The following RFX2 variants were observed in gnomAD, a reference collection of about 807,000 sequenced individuals.
RFX2 encodes the protein DNA-binding protein RFX2.
Under a neutral mutation model 87.8 loss-of-function variants are expected in RFX2, and 20 were observed. The ratio of observed to expected loss-of-function variants is 0.23; its 90% confidence interval spans 0.16 to 0.33. The LOEUF (loss-of-function observed/expected upper bound fraction) is 0.33. RFX2 is among the 10% of genes least tolerant of loss of function. The pLI is 1.00. For synonymous variants in RFX2, 397 were observed against 431.3 expected, an observed-to-expected ratio of 0.92 and a Z score of 0.98; for missense variants, 767 against 1,012.3, an observed-to-expected ratio of 0.76 and a Z score of 3.29.
At chr19:6,054,124 C>A (rs2087300282) in intron 1 of RFX2, among the ~76,000 whole-genome samples, 1 of 151,970 alleles carries the variant, frequency 6.6e-6, no homozygotes, top group South Asian at 2.1e-4. Flanking sequence ...CTATTACAAA[C>A]AACTTTAGCC....
chr19:5,999,245 ACT>A lies in RFX2; in HGVS notation c.1860-2034_1860-2033del, dbSNP rs1195972834. On this transcript the variant is annotated intron_variant, in intron 15 of 17. Transcript: ENST00000303657. This position sits in a 1 kb window ranked among gnomAD's most constrained non-coding sequence, Gnocchi z 4.1. ...CACTCCAGCCTGGTGACAGAGCGAG[ACT>A]CTGTCTCAAAAAACAAGCAAACAAG... Among the ~76,000 whole-genome samples, 3 of 152,034 alleles carry A rather than the reference ACT, an allele frequency of 2.0e-5. No homozygotes were observed. The highest frequency in any genetic ancestry group is 7.2e-5 in the African/African-American group (3 of 41,392).
At chr19:6,038,592 G>A (rs1305062044) in intron 5 of RFX2, among the ~76,000 whole-genome samples, 1 of 152,052 alleles carries the variant, frequency 6.6e-6, no homozygotes, top group Non-Finnish European at 1.5e-5. Flanking sequence ...ATATCTGACA[G>A]GAGACTTGTA....
rs2087818880 is a variant in RFX2, at chr19:6,083,823, CT to C, written c.-9+26569del. On this transcript the variant is annotated intron_variant, in intron 1 of 17. Transcript: ENST00000303657. The surrounding 1 kb of genome is among the most constrained non-coding windows in gnomAD (Gnocchi z 4.6). ...TTGGATGGCCTTTGGGGGAACATGT[CT>C]TACTCATAATTATAGGCAGCGGAAA... is the stretch of plus-strand genomic sequence containing the variant. Among the ~76,000 whole-genome samples the C allele has an allele frequency of 6.6e-6, 1 of 152,118 alleles. No individual in the cohort carries two copies. Among genetic ancestry groups the C allele is most frequent in the Admixed American group, 6.6e-5 (1 of 15,264 alleles).
intron 12 of RFX2, 77 bp downstream of exon 12, chr19:6,006,935 G>A (rs1344373888): frequency 5.9e-6 from 9 of 1,518,232 alleles, no homozygotes; most frequent in Non-Finnish European, 8.1e-6. Context: ...GGTGGCTGAA[G>A]ACGTACATGT....
Position 6,045,839 on chromosome 19 carries a change from TTTA to T in RFX2, c.91-1560_91-1558del, listed in dbSNP as rs1030882366. 6.6e-6 allele frequency among the ~76,000 whole-genome samples: 1 copy of T among 151,816 alleles called. No homozygotes were observed. Among genetic ancestry groups the T allele is most frequent in the African/African-American group, 2.4e-5 (1 of 41,304 alleles). ...AGCATGTGCCACAATGCTCGGCTAA[TTTA>T]TTATTATTATTATTTTTTGTATTTA... On this transcript the variant is annotated intron_variant, in intron 2 of 17. Transcript: ENST00000303657. This position sits in a 1 kb window ranked among gnomAD's most constrained non-coding sequence, Gnocchi z 5.2.
chr19:6,041,067 T>G (rs1280876870), intron 4 of RFX2, among the ~76,000 whole-genome samples: 2 of 152,066 alleles, frequency 1.3e-5, no homozygotes, highest in East Asian at 1.9e-4. Context: ...TTTCCAGGGG[T>G]TTTTTTGTTT....
chr19:5,997,711 C>G lies in RFX2; in HGVS notation c.1860-498G>C, dbSNP rs2086434508. Among the ~76,000 whole-genome samples the G allele has an allele frequency of 6.6e-6, 1 of 152,216 alleles. No individual in the cohort carries two copies. Among genetic ancestry groups the G allele is most frequent in the Admixed American group, 6.5e-5 (1 of 15,286 alleles). ...GGCACCTAAAAACAAGACAAAAAGCCAGGGTGCTTTAGTCTCTGTCAGCGA... is the reference window on the plus strand; with the variant it reads ...GGCACCTAAAAACAAGACAAAAAGCGAGGGTGCTTTAGTCTCTGTCAGCGA... On this transcript the variant is annotated intron_variant, in intron 15 of 17. Coordinates refer to ENST00000303657, the MANE Select transcript of RFX2 (RefSeq NM_000635.4). This position sits in a 1 kb window ranked among gnomAD's most constrained non-coding sequence, Gnocchi z 4.2.
rs1035433428 is a variant in RFX2 at position 6,012,815 on chromosome 19, T to G, written c.899+171A>C. On this transcript the variant is annotated intron_variant, in intron 8 of 17. Coordinates refer to ENST00000303657, the MANE Select transcript of RFX2 (RefSeq NM_000635.4). This position sits in a 1 kb window ranked among gnomAD's most constrained non-coding sequence, Gnocchi z 4.6. ...AGCTGGAGGAGGTTGCATCCCAGCCTCCTGTGTCTCCTGCTAGACTCACCT... is the reference window on the plus strand; with the variant it reads ...AGCTGGAGGAGGTTGCATCCCAGCCGCCTGTGTCTCCTGCTAGACTCACCT... Among the ~76,000 whole-genome samples, 1 of 152,200 alleles carries G rather than the reference T, an allele frequency of 6.6e-6. No homozygotes were observed. Among genetic ancestry groups the G allele is most frequent in the African/African-American group, 2.4e-5 (1 of 41,450 alleles).
chr19:6,078,869 G>A (rs1280638074), intron 1 of RFX2, among the ~76,000 whole-genome samples: 10 of 152,162 alleles, frequency 6.6e-5, no homozygotes, highest in African/African-American at 2.2e-4. Flanking sequence ...TCCACCTCCC[G>A]GGTTCAAACT....
intron 1 of RFX2, among the ~76,000 whole-genome samples, chr19:6,070,538 C>A (rs1198903471): frequency 6.6e-6 from 1 of 152,014 alleles, no homozygotes; most frequent in Non-Finnish European, 1.5e-5. Context: ...AGTATGATGA[C>A]CTAGGTCCAC....
At chr19:6,038,571 T>G (rs1483164278) in intron 5 of RFX2, among the ~76,000 whole-genome samples, 2 of 152,058 alleles carry the variant, frequency 1.3e-5, no homozygotes, top group East Asian at 3.9e-4. Flanking sequence ...GGGAAAATAT[T>G]TGCAAGTCAC....
rs188481228 is a variant in RFX2, at chr19:6,084,327, C to T, written c.-9+26066G>A. On this transcript the variant is annotated intron_variant, in intron 1 of 17. Coordinates refer to ENST00000303657, the MANE Select transcript of RFX2 (RefSeq NM_000635.4). ...AGTAAAGTAATGCTGGGAAATATGA[C>T]GAGTCAATTACTCTTTATCATTAAT... 6.6e-5 allele frequency among the ~76,000 whole-genome samples: 10 copies of T among 152,288 alleles called. 2 individuals carry two copies. The highest frequency in any genetic ancestry group is 1.9e-4 in the East Asian group (1 of 5,186).
At chr19:6,071,982 C>T (rs920776103) in intron 1 of RFX2, 3 of 152,134 alleles carry the variant, frequency 2.0e-5, no homozygotes, top group African/African-American at 7.2e-5. Flanking sequence ...TCAGACAGGG[C>T]CTGAAAGCAG....
At chr19:5,995,347 G>A (rs2086392021) in intron 17 of RFX2, among the ~76,000 whole-genome samples, 1 of 152,162 alleles carries the variant, frequency 6.6e-6, no homozygotes, top group Non-Finnish European at 1.5e-5. Context: ...TGCCTAGTCT[G>A]GGCCTGGTGC....
At chr19:6,072,574 G>T (rs1471777098) in intron 1 of RFX2, among the ~76,000 whole-genome samples, 1 of 151,944 alleles carries the variant, frequency 6.6e-6, no homozygotes, top group Admixed American at 6.6e-5. Context: ...GGTAAGGTGG[G>T]TGTGCCTGCG....
rs186505956 is a variant in RFX2, at chr19:6,030,781, T to A, written c.523-4544A>T. Among the ~76,000 whole-genome samples, 70 of 152,360 alleles carry A rather than the reference T, an allele frequency of 4.6e-4. No homozygotes were observed. In the South Asian group the frequency reaches 9.5e-3, roughly 21 times the overall value. ...TCTATCTCAATAAAAAATATACATATAACTAATTTCAAAAAGTAATTTTAG... is the reference window on the plus strand; with the variant it reads ...TCTATCTCAATAAAAAATATACATAAAACTAATTTCAAAAAGTAATTTTAG... On this transcript the variant is annotated intron_variant, in intron 5 of 17. Coordinates refer to ENST00000303657, the MANE Select transcript of RFX2 (RefSeq NM_000635.4).
chr19:6,048,439 C>T (rs1332277939), intron 1 of RFX2, among the ~76,000 whole-genome samples: 2 of 152,190 alleles, frequency 1.3e-5, no homozygotes, highest in Non-Finnish European at 2.9e-5. Context: ...AATAAACAAT[C>T]GGCTATGTTG....
chr19:5,994,091 G>A lies in RFX2; in HGVS notation c.*744C>T, dbSNP rs921344467. 1.1e-4 allele frequency: 17 copies of A among 152,224 alleles called. No homozygotes were observed. The highest frequency in any genetic ancestry group is 1.6e-4 in the Non-Finnish European group (11 of 68,056). The allele number at this position is 152,224 out of a possible 1,614,324, so 9.4% of individuals were successfully genotyped here. On this transcript the variant is annotated 3_prime_UTR_variant, in exon 18 of 18. Coordinates refer to ENST00000303657, the MANE Select transcript of RFX2 (RefSeq NM_000635.4). ...GAAAGACACTGCTGTGTCCTGGCAC[G>A]AGCGAGCCCGTTTCTGTGGCTTGTT...
chr19:6,090,208 T>C (rs1043194944), intron 1 of RFX2, among the ~76,000 whole-genome samples: 1 of 152,028 alleles, frequency 6.6e-6, no homozygotes, highest in African/African-American at 2.4e-5. Context: ...GCTCAAGTGA[T>C]CTTCCTGCAT....
Sources: allele counts gnomAD v4.1 joint callset (sites outside exome capture counted in the v4.1 genomes callset), GRCh38; gene constraint gnomAD v4.1.1; non-coding constraint Gnocchi (gnomAD v3.1); transcripts MANE v1.5; gene names NCBI Gene and HGNC (gene_info 2026-07-23, HGNC 2026-07-21).